The following SLIT1 variants were observed in gnomAD, a reference collection of about 807,000 sequenced individuals.
SLIT1 encodes the protein slit homolog 1 protein.
A neutral mutation model predicts 186.1 loss-of-function variants in SLIT1; 66 were observed. That is an observed-to-expected ratio of 0.35 (90% CI 0.29 to 0.44). SLIT1 has a LOEUF of 0.44. SLIT1 is among the 20% of genes least tolerant of loss of function. The probability of loss-of-function intolerance (pLI) is 1.00; values close to 1 mark genes in which losing one functional copy is unlikely to be tolerated. For synonymous variants in SLIT1, 761 were observed against 833.8 expected, an observed-to-expected ratio of 0.91 and a Z score of 1.50; for missense variants, 1,638 against 2,037.4, an observed-to-expected ratio of 0.80 and a Z score of 3.77.
intron 25 of SLIT1, among the ~76,000 whole-genome samples, chr10:97,023,871 G>C (rs1376991775): frequency 2.0e-5 from 3 of 152,160 alleles, no homozygotes; most frequent in Non-Finnish European, 2.9e-5. Context: ...TAACCCGGGA[G>C]GGGGAGGTTG....
At position 97,010,348 on chromosome 10, in the gene SLIT1, C is replaced by T. The variant is rs922994886; in HGVS notation, c.3341+645G>A. On this transcript the variant is annotated intron_variant, in intron 31 of 36. Coordinates refer to ENST00000266058, the MANE Select transcript of SLIT1 (RefSeq NM_003061.3). This position sits in a 1 kb window ranked among gnomAD's most constrained non-coding sequence, Gnocchi z 4.8. ...TACGATTCGACTTATAGGAAATCCC[C>T]AGAACAGGCAAATTTATAGACACAA... Among the ~76,000 whole-genome samples, 1 of 152,200 alleles carries T rather than the reference C, an allele frequency of 6.6e-6. No homozygotes were observed. Among genetic ancestry groups the T allele is most frequent in the Non-Finnish European group, 1.5e-5 (1 of 68,038 alleles).
rs1170189436 is a variant in SLIT1 at position 97,043,354 on chromosome 10, T to C, written c.1997+16A>G. 2 of 1,612,814 alleles carry C rather than the reference T, an allele frequency of 1.2e-6. No individual in the cohort carries two copies. Among genetic ancestry groups the C allele is most frequent in the Non-Finnish European group, 1.7e-6 (2 of 1,179,876 alleles). ...CTCCAGAGCCCCCGCCCGCCTGTCC[T>C]GGAGGCCGGACTCACAGTGTGGAGA... On this transcript the variant is annotated intron_variant, in intron 19 of 36. Coordinates refer to ENST00000266058, the MANE Select transcript of SLIT1 (RefSeq NM_003061.3). This position sits in a 1 kb window ranked among gnomAD's most constrained non-coding sequence, Gnocchi z 7.0.
intron 16 of SLIT1, 104 bp downstream of exon 16, chr10:97,047,586 G>T: frequency 8.3e-7 from 1 of 1,212,034 alleles, no homozygotes; most frequent in Non-Finnish European, 1.2e-6. Context: ...GGCTCCAGTG[G>T]TTCAGCCCCA....
At chr10:97,134,595 T>C (rs943109345) in intron 4 of SLIT1, among the ~76,000 whole-genome samples, 3 of 152,206 alleles carry the variant, frequency 2.0e-5, no homozygotes, top group East Asian at 1.9e-4. Context: ...CGCCTCTTCA[T>C]AGGACAAAAT....
intron 4 of SLIT1, among the ~76,000 whole-genome samples, chr10:97,085,852 C>T (rs1306922437): frequency 6.6e-6 from 1 of 152,106 alleles, no homozygotes; most frequent in Non-Finnish European, 1.5e-5. Flanking sequence ...TCTTTGGGTA[C>T]CAAAAAGGTC....
At chr10:97,084,011 G>GTCT (rs5787216) in intron 4 of SLIT1, among the ~76,000 whole-genome samples, 83,783 of 151,576 alleles carry the variant, frequency 0.55, 25,286 homozygotes, top group East Asian at 0.82. Context: ...CCTGGCCCCA[G>GTCT]TCTTCATCTA....
intron 4 of SLIT1, among the ~76,000 whole-genome samples, chr10:97,077,145 G>A (rs1849053670): frequency 6.6e-6 from 1 of 152,168 alleles, no homozygotes; most frequent in African/African-American, 2.4e-5. Flanking sequence ...ATGTCTGCCT[G>A]TAGTCCTAGC....
chr10:97,019,755 C>T (rs1300075563), intron 26 of SLIT1, among the ~76,000 whole-genome samples: 1 of 152,116 alleles, frequency 6.6e-6, no homozygotes, highest in African/African-American at 2.4e-5. Flanking sequence ...CCGCCTGGGA[C>T]ACCACCCGTA....
intron 4 of SLIT1, among the ~76,000 whole-genome samples, chr10:97,152,028 T>A (rs1048416250): frequency 1.3e-5 from 2 of 152,114 alleles, no homozygotes; most frequent in Admixed American, 6.5e-5. Context: ...AGAATACATA[T>A]GTAATTTCAG....
At chr10:97,141,545 A>G (rs1849757760) in intron 4 of SLIT1, among the ~76,000 whole-genome samples, 1 of 152,164 alleles carries the variant, frequency 6.6e-6, no homozygotes, top group Non-Finnish European at 1.5e-5. Context: ...TGCTTGAATC[A>G]GCACAGACTA....
Position 97,018,692 on chromosome 10 carries a change from A to T in SLIT1, c.2872-9T>A. Reference sequence around the variant, plus strand: ...ACCTCACAGTCTCGACCCTGGGGGGAAAGTCAGTGATGGGGACCCCAGGGA... The same window carrying T: ...ACCTCACAGTCTCGACCCTGGGGGGTAAGTCAGTGATGGGGACCCCAGGGA... On this transcript the variant is annotated splice_polypyrimidine_tract_variant and intron_variant, in intron 27 of 36. Coordinates refer to ENST00000266058, the MANE Select transcript of SLIT1 (RefSeq NM_003061.3). 1 of 1,558,696 alleles carries T rather than the reference A, an allele frequency of 6.4e-7. No individual in the cohort carries two copies. Among genetic ancestry groups the T allele is most frequent in the African/African-American group, 1.4e-5 (1 of 73,742 alleles).
At chr10:97,183,411 C>G (rs751148386) in intron 1 of SLIT1, among the ~76,000 whole-genome samples, 1 of 152,204 alleles carries the variant, frequency 6.6e-6, no homozygotes, top group Non-Finnish European at 1.5e-5. Flanking sequence ...CAGAAGGTAC[C>G]AGGCAATTCC....
intron 4 of SLIT1, among the ~76,000 whole-genome samples, chr10:97,135,222 C>T (rs900541306): frequency 9.2e-5 from 14 of 152,292 alleles, no homozygotes; most frequent in African/African-American, 2.9e-4. Context: ...GTGGTGCATG[C>T]TCCCTTCCCC....
rs115503101 is a variant in SLIT1, at chr10:97,131,807, C to T, written c.413+26011G>A. 3.7e-3 allele frequency among the ~76,000 whole-genome samples: 560 copies of T among 152,306 alleles called. 3 individuals are homozygous for T. The highest frequency in any genetic ancestry group is 0.012 in the African/African-American group (511 of 41,562). ...GACATGCCAAGTTTCAGGCACCGTG[C>T]GGAGCTCTTTGTGTGTATCACTGCA... On this transcript the variant is annotated intron_variant, in intron 4 of 36. Transcript: ENST00000266058.
chr10:97,149,950 G>A (rs759742490), intron 4 of SLIT1, among the ~76,000 whole-genome samples: 50 of 152,344 alleles, frequency 3.3e-4, no homozygotes, highest in African/African-American at 9.4e-4. Context: ...AGTCCTTGAC[G>A]AAGGACTCTG....
At chr10:97,052,231 G>C (rs1296103859) in intron 13 of SLIT1, among the ~76,000 whole-genome samples, 2 of 151,346 alleles carry the variant, frequency 1.3e-5, no homozygotes, top group East Asian at 3.9e-4. Flanking sequence ...TGAGTACTTG[G>C]GACCACAGGC....
chr10:97,098,145 G>C (rs1372452801), intron 4 of SLIT1, among the ~76,000 whole-genome samples: 1 of 152,226 alleles, frequency 6.6e-6, no homozygotes, highest in Non-Finnish European at 1.5e-5. Flanking sequence ...GACAGTGGTG[G>C]GGTTGTGCAG....
chr10:97,128,202 A>G (rs1849621236), intron 4 of SLIT1, among the ~76,000 whole-genome samples: 1 of 151,882 alleles, frequency 6.6e-6, no homozygotes. Context: ...TCTCACCAGA[A>G]CTCTACAGTC....
At chr10:97,180,981 C>T (rs969797758) in intron 1 of SLIT1, among the ~76,000 whole-genome samples, 20 of 152,172 alleles carry the variant, frequency 1.3e-4, no homozygotes, top group Admixed American at 7.9e-4. Flanking sequence ...CCCCAGAGGC[C>T]GAGAGAAGGG....
Sources: allele counts gnomAD v4.1 joint callset (sites outside exome capture counted in the v4.1 genomes callset), GRCh38; gene constraint gnomAD v4.1.1; non-coding constraint Gnocchi (gnomAD v3.1); transcripts MANE v1.5; gene names NCBI Gene and HGNC (gene_info 2026-07-23, HGNC 2026-07-21).